Variants in DOK6 observed in about 807,000 individuals in gnomAD.
DOK6 encodes the protein docking protein 6.
Under a neutral mutation model 44.0 loss-of-function variants are expected in DOK6, and 22 were observed. That is an observed-to-expected ratio of 0.50 (90% CI 0.36 to 0.71). The LOEUF (loss-of-function observed/expected upper bound fraction) is 0.71, where lower values mean the gene tolerates loss of function less well. DOK6 is among the 30% of genes least tolerant of loss of function. DOK6 has a pLI of 0.00. For synonymous variants in DOK6, 166 were observed against 145.5 expected, an observed-to-expected ratio of 1.14 and a Z score of -1.01; for missense variants, 340 against 416.4, an observed-to-expected ratio of 0.82 and a Z score of 1.60.
At chr18:69,817,656 T>C (rs1426308003) in intron 7 of DOK6, among the ~76,000 whole-genome samples, 1 of 152,198 alleles carries the variant, frequency 6.6e-6, no homozygotes, top group African/African-American at 2.4e-5. Context: ...CCCACCCTTG[T>C]GACCTCATTT....
intron 1 of DOK6, among the ~76,000 whole-genome samples, chr18:69,484,270 CA>C (rs1980511752): frequency 6.6e-6 from 1 of 150,544 alleles, no homozygotes; most frequent in African/African-American, 2.5e-5. Flanking sequence ...TTAAAAGACT[CA>C]ATGCTTTCTT....
At chr18:69,605,114 G>GTGTGTGTGTA (rs1555716348) in intron 3 of DOK6, among the ~76,000 whole-genome samples, 19 of 148,736 alleles carry the variant, frequency 1.3e-4, no homozygotes, top group Admixed American at 4.0e-4. Flanking sequence ...GTGTGTGTGT[G>GTGTGTGTGTA]TGTGTGTGTG....
intron 7 of DOK6, among the ~76,000 whole-genome samples, chr18:69,830,879 C>T (rs1981881766): frequency 6.6e-6 from 1 of 152,160 alleles, no homozygotes; most frequent in African/African-American, 2.4e-5. Flanking sequence ...CTAGGTCTGA[C>T]TTCTTCTGCA....
intron 5 of DOK6, among the ~76,000 whole-genome samples, chr18:69,735,910 C>T (rs1329254234): frequency 6.6e-6 from 1 of 152,160 alleles, no homozygotes. Flanking sequence ...CTAAGTTAAC[C>T]CCTTCCTGCC....
chr18:69,413,473 A>G (rs577397561), intron 1 of DOK6, among the ~76,000 whole-genome samples: 1 of 152,244 alleles, frequency 6.6e-6, no homozygotes, highest in East Asian at 1.9e-4. Context: ...ACAAATACAC[A>G]TAACATATTT....
At chr18:69,481,774 T>A (rs1307900671) in intron 1 of DOK6, among the ~76,000 whole-genome samples, 1 of 152,204 alleles carries the variant, frequency 6.6e-6, no homozygotes, top group Non-Finnish European at 1.5e-5. Context: ...CATTTCTAGC[T>A]CTAGATCCTT....
At chr18:69,522,220 A>C (rs1486559588) in intron 1 of DOK6, among the ~76,000 whole-genome samples, 1 of 151,896 alleles carries the variant, frequency 6.6e-6, no homozygotes, top group Non-Finnish European at 1.5e-5. Flanking sequence ...ACACACACAC[A>C]CACCCACACA....
At chr18:69,486,201 A>T (rs574517393) in intron 1 of DOK6, among the ~76,000 whole-genome samples, 1 of 151,996 alleles carries the variant, frequency 6.6e-6, no homozygotes, top group East Asian at 1.9e-4. Flanking sequence ...TTGTTCCTTT[A>T]TTGATATCTT....
At chr18:69,471,155 C>T (rs1980090744) in intron 1 of DOK6, among the ~76,000 whole-genome samples, 1 of 140,346 alleles carries the variant, frequency 7.1e-6, no homozygotes, top group African/African-American at 2.7e-5. Flanking sequence ...AAGCTGGAGG[C>T]AGGAGAATCG....
chr18:69,807,205 T>C (rs1249707275), intron 7 of DOK6, among the ~76,000 whole-genome samples: 1 of 151,770 alleles, frequency 6.6e-6, no homozygotes. Flanking sequence ...AGTTAAGCTG[T>C]TATCAGCTTA....
chr18:69,819,846 T>A (rs1416644590), intron 7 of DOK6, among the ~76,000 whole-genome samples: 2 of 152,314 alleles, frequency 1.3e-5, no homozygotes, highest in African/African-American at 4.8e-5. Context: ...GGGTGTCCAA[T>A]GTTTTGGCTT....
At chr18:69,552,388 T>A (rs1373285605) in intron 1 of DOK6, among the ~76,000 whole-genome samples, 1 of 152,008 alleles carries the variant, frequency 6.6e-6, no homozygotes, top group Non-Finnish European at 1.5e-5. Flanking sequence ...TATATTAAAT[T>A]TATATTATCT....
intron 1 of DOK6, among the ~76,000 whole-genome samples, chr18:69,410,320 A>G (rs1338167087): frequency 6.6e-6 from 1 of 152,224 alleles, no homozygotes; most frequent in Non-Finnish European, 1.5e-5. Context: ...GCCTGCCTGG[A>G]GTTGAGTGTA....
At chr18:69,714,593 T>C (rs776933262) in intron 5 of DOK6, among the ~76,000 whole-genome samples, 1 of 152,196 alleles carries the variant, frequency 6.6e-6, no homozygotes, top group Non-Finnish European at 1.5e-5. Flanking sequence ...TGTTCTTTTA[T>C]AAATGAGTAA....
rs1022526130 is a variant in DOK6 at position 69,461,144 on chromosome 18, G to C, written c.66+59834G>C. Among the ~76,000 whole-genome samples, 3 of 151,806 alleles carry C rather than the reference G, an allele frequency of 2.0e-5. No homozygotes were observed. The East Asian group carries it at 5.8e-4, about 29-fold the overall frequency. On this transcript the variant is annotated intron_variant, in intron 1 of 7. Transcript: ENST00000382713. ...TGTAAAGCAAGCACATTCTTTTTTG[G>C]TTCTGATGAACACATATACTTCAGA... is the stretch of plus-strand genomic sequence containing the variant.
chr18:69,463,280 T>G (rs1169336905), intron 1 of DOK6, among the ~76,000 whole-genome samples: 1 of 152,058 alleles, frequency 6.6e-6, no homozygotes, highest in African/African-American at 2.4e-5. Flanking sequence ...GCCTCTCCTC[T>G]CCCCAGCATC....
At chr18:69,709,318 C>T (rs1986706644) in intron 5 of DOK6, among the ~76,000 whole-genome samples, 5 of 152,014 alleles carry the variant, frequency 3.3e-5, no homozygotes, top group Admixed American at 3.3e-4. Flanking sequence ...TGTCAAAATT[C>T]CTTATAAATG....
chr18:69,414,699 A>G (rs1180767371), intron 1 of DOK6, among the ~76,000 whole-genome samples: 1 of 152,042 alleles, frequency 6.6e-6, no homozygotes, highest in Non-Finnish European at 1.5e-5. Flanking sequence ...ATGAAATGAG[A>G]TGGTAATTTT....
At chr18:69,705,328 T>C (rs772148593) in intron 5 of DOK6, 39 of 152,248 alleles carry the variant, frequency 2.6e-4, no homozygotes, top group Non-Finnish European at 4.8e-4. Flanking sequence ...TTAGTGCCAA[T>C]CACTTGTACC....
Sources: gnomAD v4.1 joint callset for allele counts (sites outside exome capture counted in the v4.1 genomes callset) on GRCh38, gnomAD v4.1.1 for gene constraint, MANE v1.5 for transcripts, NCBI Gene and HGNC (gene_info 2026-07-23, HGNC 2026-07-21) for gene names.